IQGAP1: variants seen among roughly 807,000 people sequenced by gnomAD.
IQGAP1 encodes the protein IQ motif containing GTPase activating protein 1.
IQGAP1 carries 66 observed loss-of-function variants against 215.6 expected under a neutral mutation model. That is an observed-to-expected ratio of 0.31 (90% CI 0.25 to 0.38). IQGAP1 has a LOEUF of 0.38. Ranked by LOEUF, IQGAP1 falls within the 10% of genes least tolerant of loss-of-function variation. IQGAP1 has a pLI of 1.00. For synonymous variants in IQGAP1, 772 were observed against 728.7 expected (o/e 1.06, Z -0.96); for missense variants, 1,712 against 1,997.1 (o/e 0.86, Z 2.72).
chr15:90,477,275 G>T (rs1168198617), intron 25 of IQGAP1, 45 bp downstream of exon 25: 6 of 1,512,424 alleles, frequency 4.0e-6, no homozygotes, highest in Non-Finnish European at 5.4e-6. Flanking sequence ...CCCACTATCA[G>T]AGGGGCTCCC....
intron 2 of IQGAP1, among the ~76,000 whole-genome samples, chr15:90,424,317 A>G (rs1372978199): frequency 6.6e-6 from 1 of 152,202 alleles, no homozygotes; most frequent in African/African-American, 2.4e-5. Flanking sequence ...TAGCCATTTC[A>G]AATTGGTATC....
Position 90,492,827 on chromosome 15 carries a change from A to G in IQGAP1, c.4628+116A>G, listed in dbSNP as rs1485129234. 1.2e-5 allele frequency: 9 copies of G among 760,884 alleles called. No homozygotes were observed. In the East Asian group the frequency reaches 2.2e-4, roughly 19 times the overall value. The allele number at this position is 760,884 out of a possible 1,614,324, so 47.1% of individuals were successfully genotyped here. A position where few individuals can be genotyped will look rare whatever the true frequency, so the allele number is the denominator to read the frequency against. ...AAAATACACTGGATCTATTTATTGC[A>G]TTAGTCTTTTATTTTACCTCTAATC... On this transcript the variant is annotated intron_variant, in intron 35 of 37. Coordinates refer to ENST00000268182, the MANE Select transcript of IQGAP1 (RefSeq NM_003870.4).
chr15:90,424,263 C>T (rs990319838), intron 2 of IQGAP1, among the ~76,000 whole-genome samples: 19 of 152,224 alleles, frequency 1.2e-4, no homozygotes, highest in Non-Finnish European at 2.6e-4. Flanking sequence ...TCCACATTGC[C>T]CTTTGCATCT....
At position 90,499,973 on chromosome 15, in the gene IQGAP1, T is replaced by C. The variant is rs199980042; in HGVS notation, c.4861-22T>C. The C allele has an allele frequency of 8.9e-6, 12 of 1,346,536 alleles. No individual in the cohort carries two copies. In the East Asian group the frequency reaches 2.5e-4, roughly 28 times the overall value. The allele number at this position is 1,346,536 out of a possible 1,614,324, so 83.4% of individuals were successfully genotyped here. ...TTAACTGTCAAAATGTTTTGTTTTG[T>C]TTTGTTTTGTTTTGTTAATAGGACC... On this transcript the variant is annotated intron_variant, in intron 37 of 37. Coordinates refer to ENST00000268182, the MANE Select transcript of IQGAP1 (RefSeq NM_003870.4).
chr15:90,444,285 A>G lies in IQGAP1; in HGVS notation c.913+807A>G, dbSNP rs1433019786. 4.8e-3 allele frequency among the ~76,000 whole-genome samples: 491 copies of G among 101,282 alleles called. 6 individuals carry two copies. The highest frequency in any genetic ancestry group is 0.021 in the African/African-American group (419 of 20,126). The allele number at this position is 101,282 out of a possible 152,430, so 66.4% of individuals were successfully genotyped here. A position where few individuals can be genotyped will look rare whatever the true frequency, so the allele number is the denominator to read the frequency against. ...TGTGTGTGTGTGTGTGTGTGTATAT[A>G]TATATTTTTTTTTTTCTTTAAGAGA... On this transcript the variant is annotated intron_variant, in intron 9 of 37. Coordinates refer to ENST00000268182, the MANE Select transcript of IQGAP1 (RefSeq NM_003870.4).
At chr15:90,473,045 GC>G (rs1567137710) in intron 19 of IQGAP1, 35 bp downstream of exon 19, 1 of 1,592,966 alleles carries the variant, frequency 6.3e-7, no homozygotes, top group Non-Finnish European at 8.6e-7. Context: ...CAGCAAGCGG[GC>G]ATCTAGAGCA....
intron 2 of IQGAP1, among the ~76,000 whole-genome samples, chr15:90,412,473 C>G (rs1964980702): frequency 6.6e-6 from 1 of 152,152 alleles, no homozygotes; most frequent in African/African-American, 2.4e-5. Context: ...TCTGCACATT[C>G]TCTGCCCTTG....
intron 2 of IQGAP1, among the ~76,000 whole-genome samples, chr15:90,394,800 C>T (rs1964688961): frequency 1.0e-5 from 1 of 98,564 alleles, no homozygotes; most frequent in Non-Finnish European, 1.9e-5. Flanking sequence ...TATAATACCT[C>T]TACTTCTACT....
At chr15:90,455,408 T>C (rs1965664829) in intron 14 of IQGAP1, among the ~76,000 whole-genome samples, 1 of 152,126 alleles carries the variant, frequency 6.6e-6, no homozygotes. Flanking sequence ...AGTCATTGGT[T>C]GGCATAAATT....
chr15:90,446,047 G>T (rs1965523966), intron 9 of IQGAP1, among the ~76,000 whole-genome samples: 2 of 152,134 alleles, frequency 1.3e-5, no homozygotes, highest in Non-Finnish European at 2.9e-5. Flanking sequence ...TTCAAGTGTG[G>T]ATGGTATCTT....
chr15:90,393,277 G>A (rs1383902583), intron 2 of IQGAP1, among the ~76,000 whole-genome samples: 2 of 151,932 alleles, frequency 1.3e-5, no homozygotes, highest in Non-Finnish European at 2.9e-5. Context: ...ATATAAAATG[G>A]CATAGTATTT....
intron 1 of IQGAP1, among the ~76,000 whole-genome samples, chr15:90,389,439 A>G (rs987356576): frequency 2.0e-5 from 3 of 148,574 alleles, no homozygotes; most frequent in Non-Finnish European, 4.4e-5. Flanking sequence ...TCCACCTCCC[A>G]GGTTCAAGCG....
chr15:90,471,561 G>A (rs188897985), intron 18 of IQGAP1, among the ~76,000 whole-genome samples: 6 of 151,300 alleles, frequency 4.0e-5, no homozygotes, highest in East Asian at 3.9e-4. Flanking sequence ...ATGCAATGGC[G>A]CGATCTTGGC....
intron 14 of IQGAP1, among the ~76,000 whole-genome samples, chr15:90,454,905 C>T (rs1965658340): frequency 1.3e-5 from 2 of 152,220 alleles, no homozygotes; most frequent in African/African-American, 2.4e-5. Flanking sequence ...AAGCTGAAAG[C>T]TGCAGGGTTC....
intron 2 of IQGAP1, among the ~76,000 whole-genome samples, chr15:90,410,706 G>C (rs1395188737): frequency 6.6e-6 from 1 of 151,448 alleles, no homozygotes; most frequent in Non-Finnish European, 1.5e-5. Context: ...GGAGGGGAGA[G>C]GGGGGAGGGA....
In IQGAP1 at chr15:90,501,178, A is replaced by C. The variant is rs1966335923; in HGVS notation, c.*1070A>C. Reference sequence around the variant, plus strand: ...GTTCAGGGAGATAATTCTGCCTTTAATTGTCTAAAACAAAAACAAAACCAG... The same window carrying C: ...GTTCAGGGAGATAATTCTGCCTTTACTTGTCTAAAACAAAAACAAAACCAG... On this transcript the variant is annotated 3_prime_UTR_variant, in exon 38 of 38. Coordinates refer to ENST00000268182, the MANE Select transcript of IQGAP1 (RefSeq NM_003870.4). 6.6e-6 allele frequency: 1 copy of C among 152,542 alleles called. No individual in the cohort carries two copies. The highest frequency in any genetic ancestry group is 6.6e-5 in the Admixed American group (1 of 15,262). The allele number at this position is 152,542 out of a possible 1,614,324, so 9.4% of individuals were successfully genotyped here.
intron 26 of IQGAP1, among the ~76,000 whole-genome samples, chr15:90,478,785 G>T (rs1966014641): frequency 6.6e-6 from 1 of 152,190 alleles, no homozygotes; most frequent in Non-Finnish European, 1.5e-5. Flanking sequence ...CATATAGATT[G>T]GGTGAGATCA....
At chr15:90,396,490 G>T (rs1375891392) in intron 2 of IQGAP1, among the ~76,000 whole-genome samples, 1 of 152,122 alleles carries the variant, frequency 6.6e-6, no homozygotes, top group Non-Finnish European at 1.5e-5. Flanking sequence ...GAGACCCAGT[G>T]TGACTAAAGG....
intron 2 of IQGAP1, among the ~76,000 whole-genome samples, chr15:90,418,919 G>A (rs1464930505): frequency 6.6e-6 from 1 of 152,154 alleles, no homozygotes; most frequent in East Asian, 1.9e-4. Flanking sequence ...GGGTAAGGCA[G>A]GTGGATGGCT....
Sources: allele counts gnomAD v4.1 joint callset (sites outside exome capture counted in the v4.1 genomes callset), GRCh38; gene constraint gnomAD v4.1.1; transcripts MANE v1.5; gene names NCBI Gene and HGNC (gene_info 2026-07-23, HGNC 2026-07-21).